The following CNBD1 variants were observed in gnomAD, a reference collection of about 807,000 sequenced individuals.
CNBD1 encodes the protein cyclic nucleotide binding domain containing 1, also known as cyclic nucleotide-binding domain-containing protein 1.
CNBD1 carries 71 observed loss-of-function variants against 54.4 expected under a neutral mutation model. The observed-to-expected ratio is 1.30, with a 90% confidence interval of 1.08 to 1.59. The LOEUF is 1.59. CNBD1 is among the 40% of genes most tolerant of loss of function. The pLI is 0.00. For missense variants in CNBD1, 659 were observed against 518.0 expected (o/e 1.27, Z -2.64); for synonymous variants, 182 against 170.7 (o/e 1.07, Z -0.51).
intron 8 of CNBD1, among the ~76,000 whole-genome samples, chr8:87,323,890 A>C (rs1809599752): frequency 7.3e-6 from 1 of 136,516 alleles, no homozygotes; most frequent in Non-Finnish European, 1.6e-5. Context: ...CAGTTTTCAA[A>C]GGGAATGCTT....
intron 8 of CNBD1, among the ~76,000 whole-genome samples, chr8:87,307,214 C>A (rs1037357813): frequency 3.9e-5 from 6 of 152,142 alleles, no homozygotes; most frequent in Non-Finnish European, 8.8e-5. Context: ...TATGTACTTA[C>A]AATGCAAACG....
At chr8:86,927,223 TA>T (rs1270981862) in intron 3 of CNBD1, among the ~76,000 whole-genome samples, 1 of 152,190 alleles carries the variant, frequency 6.6e-6, no homozygotes, top group Non-Finnish European at 1.5e-5. Flanking sequence ...CTCTGTATTC[TA>T]TTTTCCCATT....
At chr8:87,283,143 CT>C (rs1808628503) in intron 6 of CNBD1, among the ~76,000 whole-genome samples, 1 of 151,948 alleles carries the variant, frequency 6.6e-6, no homozygotes, top group Non-Finnish European at 1.5e-5. Context: ...AGAGTATTTT[CT>C]TGTATATTAT....
intron 5 of CNBD1, among the ~76,000 whole-genome samples, chr8:87,227,300 T>A (rs1435810154): frequency 6.8e-6 from 1 of 147,538 alleles, no homozygotes; most frequent in Non-Finnish European, 1.5e-5. Context: ...TAGCTGGTGA[T>A]TTTGCTCGTT....
Position 87,403,148 on chromosome 8 carries a change from A to AT in CNBD1, c.214-25392dup, listed in dbSNP as rs571827438. The stretch of plus-strand genomic sequence containing the variant: ...AGAAAATAAAAAAAAAATTGATTTA[A>AT]TTTTTTAAAACATCACTACAGCTGA... On this transcript the variant is annotated intron_variant, in intron 2 of 7. Coordinates refer to the CNBD1 transcript ENST00000521593. Among the ~76,000 whole-genome samples, 39 of 152,072 alleles carry AT rather than the reference A, an allele frequency of 2.6e-4. No individual in the cohort carries two copies. In the South Asian group the frequency reaches 5.2e-3, roughly 20 times the overall value.
chr8:87,102,731 G>A (rs1035571354), intron 4 of CNBD1, among the ~76,000 whole-genome samples: 1 of 151,876 alleles, frequency 6.6e-6, no homozygotes, highest in Admixed American at 6.6e-5. Flanking sequence ...CTCTTGCCTC[G>A]GTGTCCTGAG....
chr8:87,408,523 T>C (rs1303528001), intron 2 of CNBD1, among the ~76,000 whole-genome samples: 1 of 152,158 alleles, frequency 6.6e-6, no homozygotes, highest in Non-Finnish European at 1.5e-5. Flanking sequence ...GAACTATTTT[T>C]AAGGACTTTG....
chr8:87,351,785 A>T lies in CNBD1; in HGVS notation c.1143A>T (p.Ser381=), dbSNP rs1024955040. ...TTATAGGATTTGTGAAACTACGATCAAATAAAGTGGTAAGTTTTCAACATG... is the reference window on the plus strand; with the variant it reads ...TTATAGGATTTGTGAAACTACGATCTAATAAAGTGGTAAGTTTTCAACATG... The part of the protein sequence containing the change: ...RSIIGFVKLR[S]NKVKRSQKLV... Residue 381 remains serine, a synonymous_variant, in exon 9 of 11, where the codon TCA becomes TCT. Transcript: ENST00000518476. 1 of 1,497,004 alleles carries T rather than the reference A, an allele frequency of 6.7e-7. No individual in the cohort carries two copies. Among genetic ancestry groups the T allele is most frequent in the South Asian group, 1.4e-5 (1 of 72,716 alleles). 92.7% of individuals were successfully genotyped at this position (1,497,004 alleles called of 1,614,324 possible). A position where few individuals can be genotyped will look rare whatever the true frequency, so the allele number is the denominator to read the frequency against.
At chr8:87,251,266 G>C (rs1807911305) in intron 6 of CNBD1, among the ~76,000 whole-genome samples, 1 of 152,124 alleles carries the variant, frequency 6.6e-6, no homozygotes, top group Non-Finnish European at 1.5e-5. Flanking sequence ...GGACATGACT[G>C]TTAGTAATAC....
rs184312437 is a variant in CNBD1 at position 87,197,423 on chromosome 8, G to A, written c.432-8570G>A. On this transcript the variant is annotated intron_variant, in intron 4 of 10. Transcript: ENST00000518476. ...ACAGGGGTGTATGTTAGACTCAAGA[G>A]GTTTAATTTCAGAGTTGCAGAGTTG... Among the ~76,000 whole-genome samples the A allele has an allele frequency of 3.4e-3, 513 of 152,278 alleles. 3 individuals carry two copies. The highest frequency in any genetic ancestry group is 5.7e-3 in the Non-Finnish European group (385 of 68,024).
At chr8:87,350,181 A>G (rs1479990876) in intron 8 of CNBD1, among the ~76,000 whole-genome samples, 1 of 152,304 alleles carries the variant, frequency 6.6e-6, no homozygotes, top group East Asian at 1.9e-4. Context: ...AATCTGTGAG[A>G]AAATATTTCA....
chr8:87,424,475 G>T (rs932507490), intron 2 of CNBD1, among the ~76,000 whole-genome samples: 1 of 152,168 alleles, frequency 6.6e-6, no homozygotes, highest in East Asian at 1.9e-4. Context: ...GGTATGTTGT[G>T]TCTTTGTTCT....
rs1263337401 is a variant in CNBD1, at chr8:86,951,871, G to A, written c.431+12117G>A. Among the ~76,000 whole-genome samples the A allele has an allele frequency of 2.0e-5, 3 of 151,904 alleles. No individual in the cohort carries two copies. In the South Asian group the frequency reaches 6.2e-4, roughly 32 times the overall value. On this transcript the variant is annotated intron_variant, in intron 4 of 10. Transcript: ENST00000518476. ...GAAAAATCAAGCTGGGAAGTACTTA[G>A]GGCAAACCTGCTCCACTGTATTCCT...
intron 4 of CNBD1, among the ~76,000 whole-genome samples, chr8:87,106,165 C>A (rs570562974): frequency 7.7e-6 from 1 of 129,980 alleles, no homozygotes; most frequent in South Asian, 2.2e-4. Context: ...TTCTTCCTTT[C>A]CATTCCTTTC....
rs532218267 is a variant in CNBD1 at position 87,185,817 on chromosome 8, C to G, written c.432-20176C>G. ...CTCTCTCCCTCTCTGCATTTTTCTC[C>G]TCTACAATAATTTTCTCTGGGAACT... On this transcript the variant is annotated intron_variant, in intron 4 of 10. Coordinates refer to ENST00000518476, the MANE Select transcript of CNBD1 (RefSeq NM_173538.3). Among the ~76,000 whole-genome samples the G allele has an allele frequency of 4.6e-5, 7 of 152,216 alleles. No homozygotes were observed. In the East Asian group the frequency reaches 1.4e-3, roughly 29 times the overall value.
At chr8:86,879,164 CT>C (rs1471579976) in intron 1 of CNBD1, among the ~76,000 whole-genome samples, 1 of 151,920 alleles carries the variant, frequency 6.6e-6, no homozygotes, top group Non-Finnish European at 1.5e-5. Context: ...TGATTCTCAC[CT>C]GACAAATTAG....
At chr8:87,138,631 C>T (rs930321065) in intron 4 of CNBD1, among the ~76,000 whole-genome samples, 4 of 152,180 alleles carry the variant, frequency 2.6e-5, no homozygotes, top group African/African-American at 7.2e-5. Flanking sequence ...CAAGGTGGCA[C>T]GTCTTTCAGG....
chr8:87,168,567 C>A (rs1480282230), intron 4 of CNBD1, among the ~76,000 whole-genome samples: 2 of 151,912 alleles, frequency 1.3e-5, no homozygotes, highest in Non-Finnish European at 1.5e-5. Flanking sequence ...CCTACTTCCC[C>A]ACCCCCGACT....
intron 3 of CNBD1, among the ~76,000 whole-genome samples, chr8:86,907,659 T>A (rs1234935768): frequency 2.0e-5 from 3 of 150,738 alleles, no homozygotes; most frequent in Admixed American, 6.6e-5. Context: ...AGAGCATGAC[T>A]CTATCTAAAA....
Sources: allele counts gnomAD v4.1 joint callset (sites outside exome capture counted in the v4.1 genomes callset), GRCh38; gene constraint gnomAD v4.1.1; transcripts MANE v1.5; gene names NCBI Gene and HGNC (gene_info 2026-07-23, HGNC 2026-07-21).